Variants in DNAJC16 observed in about 807,000 individuals in gnomAD.
The protein encoded by DNAJC16 is DnaJ heat shock protein family (Hsp40) member C16.
DNAJC16 carries 76 observed loss-of-function variants against 92.7 expected under a neutral mutation model. The observed-to-expected ratio is 0.82, with a 90% CI of 0.68 to 0.99. The LOEUF (loss-of-function observed/expected upper bound fraction) is 0.99, where lower values mean the gene tolerates loss of function less well. DNAJC16 is among the 50% of genes least tolerant of loss of function. The probability of loss-of-function intolerance (pLI) is 0.00; values close to 1 mark genes in which losing one functional copy is unlikely to be tolerated. For synonymous variants in DNAJC16, 328 were observed against 358.7 expected, an observed-to-expected ratio of 0.91 and a Z score of 0.97; for missense variants, 869 against 942.4, an observed-to-expected ratio of 0.92 and a Z score of 1.02.
intron 2 of DNAJC16, 71 bp downstream of exon 2, chr1:15,529,343 G>A: frequency 7.0e-7 from 1 of 1,435,414 alleles, no homozygotes; most frequent in Non-Finnish European, 9.4e-7. Context: ...TCTAAATTAT[G>A]ACTAGCTTTT....
At chr1:15,538,656 G>A (rs761730890) in intron 4 of DNAJC16, among the ~76,000 whole-genome samples, 5 of 152,210 alleles carry the variant, frequency 3.3e-5, no homozygotes, top group African/African-American at 4.8e-5. Context: ...GTTGGAGGTT[G>A]CTGTGAGCTG....
At chr1:15,531,962 T>A in intron 2 of DNAJC16, among the ~76,000 whole-genome samples, 1 of 152,270 alleles carries the variant, frequency 6.6e-6, no homozygotes, top group East Asian at 1.9e-4. Flanking sequence ...GGAGCCTTCC[T>A]CTGATACATT....
chr1:15,563,067 C>A (rs1470433117), intron 9 of DNAJC16, among the ~76,000 whole-genome samples: 1 of 151,634 alleles, frequency 6.6e-6, no homozygotes, highest in East Asian at 1.9e-4. Flanking sequence ...TCATCACTTC[C>A]TACAGAAACA....
chr1:15,570,542 G>C lies in DNAJC16; in HGVS notation c.*2365G>C, dbSNP rs1032475841. On this transcript the variant is annotated 3_prime_UTR_variant, in exon 15 of 15. Coordinates refer to ENST00000375847, the MANE Select transcript of DNAJC16 (RefSeq NM_015291.4). ...TTTTTAAACATTTTTATCTCTTCAA[G>C]TCATCTTTTGATCTTTTAAAAAGCA... 1 of 151,996 alleles carries C rather than the reference G, an allele frequency of 6.6e-6. No homozygotes were observed. The highest frequency in any genetic ancestry group is 1.5e-5 in the Non-Finnish European group (1 of 68,016). The allele number at this position is 151,996 out of a possible 1,614,324, so 9.4% of individuals were successfully genotyped here. A position where few individuals can be genotyped will look rare whatever the true frequency, so the allele number is the denominator to read the frequency against.
intron 2 of DNAJC16, among the ~76,000 whole-genome samples, chr1:15,532,325 G>A (rs549829344): frequency 7.9e-5 from 12 of 152,028 alleles, no homozygotes; most frequent in Non-Finnish European, 1.6e-4. Flanking sequence ...GTATTATATT[G>A]CAGTTCCTGA....
intron 2 of DNAJC16, among the ~76,000 whole-genome samples, chr1:15,533,754 G>A (rs572154203): frequency 1.3e-5 from 2 of 152,324 alleles, no homozygotes. Context: ...AAACCTGATT[G>A]TTACTAAATG....
Position 15,534,302 on chromosome 1 carries a change from A to C in DNAJC16, c.233A>C (p.Glu78Ala). 1 of 1,614,022 alleles carries C rather than the reference A, an allele frequency of 6.2e-7. No individual in the cohort carries two copies. Among genetic ancestry groups the C allele is most frequent in the Non-Finnish European group, 8.5e-7 (1 of 1,179,946 alleles). ...DKFIQISKAYEILSNEEKRSN... is the reference protein window; with the variant it reads ...DKFIQISKAYAILSNEEKRSN... The stretch of plus-strand genomic sequence containing the variant: ...TTCATTCAAATCAGTAAGGCTTACG[A>C]GGTATCGTGTCCAGCTTTGTGATGC... The change falls in exon 3 of 15, where the codon GAG becomes GCG. Residue 78 changes from glutamate (E) to alanine (A), a missense_variant and splice_region_variant. Transcript: ENST00000375847.
At position 15,568,177 on chromosome 1, in the gene DNAJC16, A is replaced by C; in HGVS notation, c.2349A>C (p.Ter783CysextTer18). The change falls in exon 15 of 15, where the codon TGA becomes TGC. Residue 783 changes from the stop codon to cysteine, a stop_lost. Coordinates refer to ENST00000375847, the MANE Select transcript of DNAJC16 (RefSeq NM_015291.4). ...FYIPSWPELD[*>C] is the part of the protein sequence containing the mutation. Reference sequence around the variant, plus strand: ...TCCCATCATGGCCTGAACTAGACTGAGAGGATTTTCCAAAGAGATTTGAAC... The same window carrying C: ...TCCCATCATGGCCTGAACTAGACTGCGAGGATTTTCCAAAGAGATTTGAAC... The C allele has an allele frequency of 6.3e-7, 1 of 1,594,232 alleles. No homozygotes were observed. Among genetic ancestry groups the C allele is most frequent in the South Asian group, 1.1e-5 (1 of 89,268 alleles).
intron 7 of DNAJC16, among the ~76,000 whole-genome samples, chr1:15,556,671 T>C (rs1638579421): frequency 2.6e-5 from 4 of 152,156 alleles, no homozygotes; most frequent in Admixed American, 2.6e-4. Context: ...TCTTTTTTTT[T>C]CCAGCCCTCA....
intron 1 of DNAJC16, among the ~76,000 whole-genome samples, chr1:15,527,827 C>T (rs1710556061): frequency 6.6e-6 from 1 of 152,108 alleles, no homozygotes; most frequent in Admixed American, 6.6e-5. Context: ...TCACAGAAGA[C>T]ACTTGAACCT....
intron 1 of DNAJC16, 85 bp from the exon 2 acceptor site, chr1:15,529,003 A>T (rs1406592093): frequency 1.7e-6 from 2 of 1,172,938 alleles, no homozygotes; most frequent in East Asian, 2.5e-5. Flanking sequence ...TTTGTTTTTC[A>T]TCTATATATC....
rs1024102998 is a variant in DNAJC16 at position 15,571,252 on chromosome 1, A to G, written c.*3075A>G. 2.0e-5 allele frequency: 3 copies of G among 152,158 alleles called. No individual in the cohort carries two copies. Among genetic ancestry groups the G allele is most frequent in the Non-Finnish European group, 4.4e-5 (3 of 68,036 alleles). 9.4% of individuals were successfully genotyped at this position (152,158 alleles called of 1,614,324 possible). A position where few individuals can be genotyped will look rare whatever the true frequency, so the allele number is the denominator to read the frequency against. On this transcript the variant is annotated 3_prime_UTR_variant, in exon 15 of 15. Coordinates refer to ENST00000375847, the MANE Select transcript of DNAJC16 (RefSeq NM_015291.4). Reference sequence around the variant, plus strand: ...TTCCTTTTTATTTATTAACATCCCAATCAATTTGCAGCTGCCATCATTACA... The same window carrying G: ...TTCCTTTTTATTTATTAACATCCCAGTCAATTTGCAGCTGCCATCATTACA...
rs1036891458 is a variant in DNAJC16, at chr1:15,529,175, T to A, written c.70T>A (p.Ser24Thr). The part of the protein sequence containing the change: ...IVLVLILQIL[S>T]ALDFDPYRVL... ...TCTGGTTCTGATCCTGCAAATTCTG[T>A]CTGCGTTGGATTTTGACCCATACAG... Residue 24 changes from serine (S) to threonine (T), a missense_variant, in exon 2 of 15, where the codon TCT becomes ACT. Coordinates refer to ENST00000375847, the MANE Select transcript of DNAJC16 (RefSeq NM_015291.4). The A allele has an allele frequency of 1.6e-5, 26 of 1,614,030 alleles. No homozygotes were observed. Among genetic ancestry groups the A allele is most frequent in the Non-Finnish European group, 2.2e-5 (26 of 1,180,020 alleles).
intron 6 of DNAJC16, among the ~76,000 whole-genome samples, chr1:15,547,907 TCA>T: frequency 6.6e-6 from 1 of 152,178 alleles, no homozygotes; most frequent in East Asian, 1.9e-4. Context: ...CCACTACCTC[TCA>T]TGTCACTGTG....
At position 15,546,767 on chromosome 1, in the gene DNAJC16, G is replaced by A. The variant is rs572027000; in HGVS notation, c.760G>A (p.Val254Ile). 1.6e-4 allele frequency: 256 copies of A among 1,608,878 alleles called. 2 individuals are homozygous for A. The South Asian group carries it at 2.6e-3, about 16-fold the overall frequency. ...ACTAACATTCTATTTTCAATTTAAG[G>A]TTACAAATAAAAATTACGTCAGATT... ...SLLPGNLVEK[V>I]TNKNYVRFLS... The change falls in exon 6 of 15, where the codon GTT becomes ATT. Residue 254 changes from valine to isoleucine, a missense_variant and splice_region_variant. Coordinates refer to ENST00000375847, the MANE Select transcript of DNAJC16 (RefSeq NM_015291.4).
chr1:15,528,002 A>G (rs920639162), intron 1 of DNAJC16, among the ~76,000 whole-genome samples: 2 of 152,248 alleles, frequency 1.3e-5, no homozygotes, highest in Non-Finnish European at 2.9e-5. Flanking sequence ...CAATGAATTA[A>G]GTCACTGTAC....
chr1:15,553,819 A>G (rs1161035978), intron 7 of DNAJC16, among the ~76,000 whole-genome samples: 1 of 152,164 alleles, frequency 6.6e-6, no homozygotes, highest in Non-Finnish European at 1.5e-5. Flanking sequence ...GGAATAATGT[A>G]GTGTATATAT....
intron 8 of DNAJC16, among the ~76,000 whole-genome samples, chr1:15,560,563 T>A (rs1247492554): frequency 6.6e-6 from 1 of 152,236 alleles, no homozygotes; most frequent in Non-Finnish European, 1.5e-5. Flanking sequence ...CTGTTTCATC[T>A]GTAAAAGGTA....
At position 15,555,521 on chromosome 1, in the gene DNAJC16, A is replaced by G. The variant is rs1184259982; in HGVS notation, c.1024-4005A>G. Among the ~76,000 whole-genome samples the G allele has an allele frequency of 4.0e-5, 6 of 150,716 alleles. 1 individual carries two copies. Among genetic ancestry groups the G allele is most frequent in the Non-Finnish European group, 7.4e-5 (5 of 67,688 alleles). On this transcript the variant is annotated intron_variant, in intron 7 of 14. Transcript: ENST00000375847. ...AACATGGTGAAACCCCGTCTCTACT[A>G]AAAATACAAAAATTACCTGGGCGCG... is the stretch of plus-strand genomic sequence containing the variant.
Sources: gnomAD v4.1 joint callset for allele counts (sites outside exome capture counted in the v4.1 genomes callset) on GRCh38, gnomAD v4.1.1 for gene constraint, MANE v1.5 for transcripts, NCBI Gene and HGNC (gene_info 2026-07-23, HGNC 2026-07-21) for gene names.